The following PBX1 variants were observed in gnomAD, a reference collection of about 807,000 sequenced individuals.
PBX1 encodes PBX homeobox 1, also known as pre-B-cell leukemia transcription factor 1.
Under a neutral mutation model 53.4 loss-of-function variants are expected in PBX1, and 6 were observed. The observed-to-expected ratio is 0.11, with a 90% CI of 0.06 to 0.22. The LOEUF (loss-of-function observed/expected upper bound fraction) is 0.22, where lower values mean the gene tolerates loss of function less well. Among genes scored for constraint, PBX1 ranks in the 10% least tolerant of loss-of-function variants. PBX1 has a pLI of 1.00. For synonymous variants in PBX1, 204 were observed against 212.3 expected (o/e 0.96, Z 0.34); for missense variants, 251 against 551.4 (o/e 0.46, Z 5.46).
chr1:164,786,107 C>G (rs147744425), intron 2 of PBX1, among the ~76,000 whole-genome samples: 1,756 of 152,290 alleles, frequency 0.012, 17 homozygotes, highest in Non-Finnish European at 0.016. Context: ...AAAGAGAGCA[C>G]ATACAGGGAA....
At chr1:164,875,181 G>A (rs1036247168) in intron 2 of PBX1, among the ~76,000 whole-genome samples, 1 of 152,190 alleles carries the variant, frequency 6.6e-6, no homozygotes, top group Non-Finnish European at 1.5e-5. Context: ...GAAAATCAAA[G>A]TTTATCAGGG....
chr1:164,873,322 A>G (rs1446301749), intron 2 of PBX1, among the ~76,000 whole-genome samples: 1 of 152,218 alleles, frequency 6.6e-6, no homozygotes, highest in Non-Finnish European at 1.5e-5. Context: ...TGTTACTTTC[A>G]TGCTACTCAC....
chr1:164,868,515 T>A (rs927819490), intron 2 of PBX1, among the ~76,000 whole-genome samples: 1 of 152,184 alleles, frequency 6.6e-6, no homozygotes, highest in African/African-American at 2.4e-5. Context: ...GAAACCTGGT[T>A]GATTTGCAAG....
chr1:164,667,918 G>GTCTCAGGTGT (rs1660897801), intron 2 of PBX1, among the ~76,000 whole-genome samples: 1 of 152,210 alleles, frequency 6.6e-6, no homozygotes, highest in Non-Finnish European at 1.5e-5. Context: ...GTTGCAGGCA[G>GTCTCAGGTGT]TGAGCTACGG....
intron 2 of PBX1, among the ~76,000 whole-genome samples, chr1:164,620,860 T>A (rs189112897): frequency 4.9e-4 from 74 of 152,052 alleles, no homozygotes; most frequent in Non-Finnish European, 8.7e-4. Flanking sequence ...TTTTTATATT[T>A]TGATTAGAAA....
chr1:164,647,884 G>A (rs1197609075), intron 2 of PBX1, among the ~76,000 whole-genome samples: 5 of 150,474 alleles, frequency 3.3e-5, no homozygotes, highest in South Asian at 2.1e-4. Context: ...GCGCGATCTC[G>A]GCTCACTGCA....
intron 4 of PBX1, among the ~76,000 whole-genome samples, chr1:164,801,623 C>T (rs551109866): frequency 7.2e-5 from 11 of 152,244 alleles, no homozygotes; most frequent in East Asian, 3.9e-4. Context: ...GGGTTTTGTA[C>T]GCAAGTTTCT....
At chr1:164,750,743 A>G (rs1013809494) in intron 2 of PBX1, among the ~76,000 whole-genome samples, 1 of 152,200 alleles carries the variant, frequency 6.6e-6, no homozygotes, top group Admixed American at 6.5e-5. Context: ...AGAAAGTACT[A>G]TAAGAACTAG....
intron 2 of PBX1, among the ~76,000 whole-genome samples, chr1:164,754,278 A>G (rs1444164843): frequency 6.6e-6 from 1 of 152,174 alleles, no homozygotes; most frequent in African/African-American, 2.4e-5. Flanking sequence ...TCTTGAAGCC[A>G]GTGCTGGATC....
chr1:164,706,532 C>T (rs1411495001), intron 2 of PBX1, among the ~76,000 whole-genome samples: 1 of 152,154 alleles, frequency 6.6e-6, no homozygotes, highest in South Asian at 2.1e-4. Flanking sequence ...AATGTCCATT[C>T]TAGTATGGTG....
At position 164,847,903 on chromosome 1, in the gene PBX1, A is replaced by G; in HGVS notation, c.*1227A>G. ...AGTGTAAACTACTCTTGTTCCCACC[A>G]CCTCTGGAGCACTCAGGGAGCCCCA... On this transcript the variant is annotated 3_prime_UTR_variant, in exon 9 of 9. Coordinates refer to ENST00000420696, the MANE Select transcript of PBX1 (RefSeq NM_002585.4). 2.8e-6 allele frequency: 3 copies of G among 1,054,526 alleles called. No individual in the cohort carries two copies. Among genetic ancestry groups the G allele is most frequent in the South Asian group, 4.6e-5 (1 of 21,874 alleles). The allele number at this position is 1,054,526 out of a possible 1,614,324, so 65.3% of individuals were successfully genotyped here. A position where few individuals can be genotyped will look rare whatever the true frequency, so the allele number is the denominator to read the frequency against.
chr1:164,856,971 A>G (rs767674118), intron 2 of PBX1, among the ~76,000 whole-genome samples: 22 of 152,196 alleles, frequency 1.4e-4, no homozygotes, highest in Non-Finnish European at 2.8e-4. Context: ...TGCTACTGCC[A>G]GGTTCTTCCT....
At chr1:164,618,304 G>GT (rs1553217580) in intron 2 of PBX1, among the ~76,000 whole-genome samples, 1 of 150,838 alleles carries the variant, frequency 6.6e-6, no homozygotes, top group Non-Finnish European at 1.5e-5. Context: ...CGGCGGGGGG[G>GT]GGGGGGCACT....
chr1:164,838,223 T>C (rs1671134462), intron 8 of PBX1, among the ~76,000 whole-genome samples: 1 of 152,182 alleles, frequency 6.6e-6, no homozygotes, highest in African/African-American at 2.4e-5. Context: ...CGTGTGAACA[T>C]GGATCAGATA....
chr1:164,588,370 G>GA (rs1655096611), intron 2 of PBX1, among the ~76,000 whole-genome samples: 1 of 149,148 alleles, frequency 6.7e-6, no homozygotes, highest in Admixed American at 6.7e-5. Context: ...ACAGGATTTG[G>GA]GGAAAAAAAA....
chr1:164,658,535 A>T (rs1173280396), intron 2 of PBX1, among the ~76,000 whole-genome samples: 5 of 152,160 alleles, frequency 3.3e-5, no homozygotes, highest in African/African-American at 1.2e-4. Context: ...TTTTCTCTGG[A>T]TTGCAGCTTG....
intron 2 of PBX1, among the ~76,000 whole-genome samples, chr1:164,715,318 C>T (rs1384078877): frequency 2.6e-5 from 4 of 152,234 alleles, no homozygotes; most frequent in South Asian, 4.2e-4. Context: ...GAAGACCTTT[C>T]GGTACTGCAG....
intron 2 of PBX1, among the ~76,000 whole-genome samples, chr1:164,878,546 G>A (rs1195412202): frequency 6.6e-6 from 1 of 152,092 alleles, no homozygotes; most frequent in Non-Finnish European, 1.5e-5. Flanking sequence ...CTGAGATGGA[G>A]AGGTAGTAGA....
At chr1:164,728,133 TG>T (rs916707193) in intron 2 of PBX1, among the ~76,000 whole-genome samples, 8 of 152,112 alleles carry the variant, frequency 5.3e-5, no homozygotes, top group Non-Finnish European at 1.2e-4. Flanking sequence ...AAGACCAGCC[TG>T]GGCCACATAG....
Sources: gnomAD v4.1 joint callset for allele counts (sites outside exome capture counted in the v4.1 genomes callset) on GRCh38, gnomAD v4.1.1 for gene constraint, MANE v1.5 for transcripts, NCBI Gene and HGNC (gene_info 2026-07-23, HGNC 2026-07-21) for gene names.